ZBTB7A: variants seen among roughly 807,000 people sequenced by gnomAD.
ZBTB7A encodes zinc finger and BTB domain-containing protein 7A.
In ZBTB7A, 7 loss-of-function variants were observed where a neutral mutation model predicts 26.7. The observed-to-expected ratio is 0.26, with a 90% CI of 0.15 to 0.49. The LOEUF is 0.49. Among genes scored for constraint, ZBTB7A ranks in the 20% least tolerant of loss-of-function variants. The probability of loss-of-function intolerance (pLI) is 0.98; values close to 1 mark genes in which losing one functional copy is unlikely to be tolerated. For missense variants in ZBTB7A, 617 were observed against 919.5 expected (o/e 0.67, Z 4.25); for synonymous variants, 452 against 441.0 (o/e 1.02, Z -0.31).
chr19:4,059,121 A>C (rs1313938243), intron 1 of ZBTB7A, among the ~76,000 whole-genome samples: 1 of 152,044 alleles, frequency 6.6e-6, no homozygotes, highest in African/African-American at 2.4e-5. Flanking sequence ...GAGCAGATGG[A>C]GCTCCGGATC....
chr19:4,050,332 A>G (rs1340914608), intron 2 of ZBTB7A, among the ~76,000 whole-genome samples: 1 of 152,168 alleles, frequency 6.6e-6, no homozygotes, highest in Non-Finnish European at 1.5e-5. Flanking sequence ...AAGTGCTGGG[A>G]TTACAGGCGT....
At chr19:4,061,343 G>A (rs919080014) in intron 1 of ZBTB7A, among the ~76,000 whole-genome samples, 8 of 152,088 alleles carry the variant, frequency 5.3e-5, no homozygotes, top group South Asian at 2.1e-4. Flanking sequence ...GTGCAGGTGC[G>A]GCTGCCAGGC....
chr19:4,065,270 C>A (rs909787354), intron 1 of ZBTB7A, among the ~76,000 whole-genome samples: 2 of 150,006 alleles, frequency 1.3e-5, no homozygotes, highest in African/African-American at 4.9e-5. Flanking sequence ...GCCGGACGGC[C>A]GTCCGGGCAG....
rs879410804 is a variant in ZBTB7A at position 4,052,064 on chromosome 19, G to C, written c.1262+1907C>G. Among the ~76,000 whole-genome samples, 5 of 152,084 alleles carry C rather than the reference G, an allele frequency of 3.3e-5. No individual in the cohort carries two copies. Among genetic ancestry groups the C allele is most frequent in the Non-Finnish European group, 5.9e-5 (4 of 67,996 alleles). On this transcript the variant is annotated intron_variant, in intron 2 of 2. Coordinates refer to ENST00000322357, the MANE Select transcript of ZBTB7A (RefSeq NM_015898.4). The surrounding 1 kb of genome is among the most constrained non-coding windows in gnomAD (Gnocchi z 4.9). The stretch of plus-strand genomic sequence containing the variant: ...CGGGGTGGGGGAAAAGAGGAAGCAG[G>C]TGGGTCTAAATTGGGGTGGGAGGAA...
At position 4,047,451 on chromosome 19, in the gene ZBTB7A, T is replaced by C. The variant is rs993194496; in HGVS notation, c.*301A>G. ...GCGGGGTCTCGGATTCCTTGTGTCC[T>C]ACAAAAAACCCCAAACCAAGCCCCG... is the stretch of plus-strand genomic sequence containing the variant. On this transcript the variant is annotated 3_prime_UTR_variant, in exon 3 of 3. Transcript: ENST00000322357. 1.7e-4 allele frequency: 28 copies of C among 167,934 alleles called. No individual in the cohort carries two copies. Among genetic ancestry groups the C allele is most frequent in the Admixed American group, 1.1e-3 (17 of 15,640 alleles). 10.4% of individuals were successfully genotyped at this position (167,934 alleles called of 1,614,324 possible). A position where few individuals can be genotyped will look rare whatever the true frequency, so the allele number is the denominator to read the frequency against.
chr19:4,057,511 C>G (rs1364619422), intron 1 of ZBTB7A, among the ~76,000 whole-genome samples: 1 of 152,066 alleles, frequency 6.6e-6, no homozygotes, highest in African/African-American at 2.4e-5. Context: ...CTACTATGGC[C>G]AGACGCGGTG....
In ZBTB7A at chr19:4,047,741, C is replaced by T; in HGVS notation, c.*11G>A. On this transcript the variant is annotated 3_prime_UTR_variant, in exon 3 of 3. Transcript: ENST00000322357. ...TCTCTTTCTCGGGTTTCTGTTTTCT[C>T]TTTTTGGTTTTTAGGCGAGTCCGGC... The T allele has an allele frequency of 6.3e-7, 1 of 1,589,972 alleles. No individual in the cohort carries two copies. Among genetic ancestry groups the T allele is most frequent in the South Asian group, 1.1e-5 (1 of 88,238 alleles).
intron 1 of ZBTB7A, among the ~76,000 whole-genome samples, chr19:4,058,723 G>C (rs531248491): frequency 6.6e-6 from 1 of 152,310 alleles, no homozygotes; most frequent in Non-Finnish European, 1.5e-5. Flanking sequence ...CTCTGACGCC[G>C]ACGGGCTTGA....
At chr19:4,060,086 T>C (rs1272810328) in intron 1 of ZBTB7A, among the ~76,000 whole-genome samples, 1 of 151,832 alleles carries the variant, frequency 6.6e-6, no homozygotes, top group East Asian at 1.9e-4. Flanking sequence ...TCCCCCGCGC[T>C]GGCCTCCGTG....
At chr19:4,055,503 C>T in intron 1 of ZBTB7A, 1 of 984,620 alleles carries the variant, frequency 1.0e-6, no homozygotes, top group Non-Finnish European at 1.2e-6. Context: ...GACAGGCTAT[C>T]ACCATGTTGG....
intron 1 of ZBTB7A, among the ~76,000 whole-genome samples, chr19:4,062,527 C>T (rs1036354092): frequency 3.3e-5 from 5 of 152,222 alleles, no homozygotes; most frequent in African/African-American, 4.8e-5. Flanking sequence ...GCCAGGGTCG[C>T]GCAGCAGAAC....
rs752997299 is a variant in ZBTB7A at position 4,048,027 on chromosome 19, G to T, written c.1480C>A (p.Pro494Thr). ...HLKKDGCNGVPSRRGRKPRVR... is the reference protein window; with the variant it reads ...HLKKDGCNGVTSRRGRKPRVR... Reference sequence around the variant, plus strand: ...CGGGGCTTGCGGCCGCGGCGCGAGGGGACGCCGTTGCAGCCGTCTTTCTTG... The same window carrying T: ...CGGGGCTTGCGGCCGCGGCGCGAGGTGACGCCGTTGCAGCCGTCTTTCTTG... The change falls in exon 3 of 3, where the codon CCC becomes ACC. Residue 494 changes from proline to threonine, a missense_variant. Transcript: ENST00000322357. This position sits in a 1 kb window ranked among gnomAD's most constrained non-coding sequence, Gnocchi z 6.7. 7.3e-6 allele frequency: 11 copies of T among 1,512,766 alleles called. No individual in the cohort carries two copies. The highest frequency in any genetic ancestry group is 8.0e-6 in the Non-Finnish European group (9 of 1,128,196). 93.7% of individuals were successfully genotyped at this position (1,512,766 alleles called of 1,614,324 possible). A position where few individuals can be genotyped will look rare whatever the true frequency, so the allele number is the denominator to read the frequency against.
intron 1 of ZBTB7A, among the ~76,000 whole-genome samples, chr19:4,063,690 A>G (rs1372273606): frequency 6.6e-6 from 1 of 152,162 alleles, no homozygotes; most frequent in Non-Finnish European, 1.5e-5. Context: ...GCTTAAAGAC[A>G]GGTGGGCAGG....
chr19:4,051,070 C>G (rs1417515092), intron 2 of ZBTB7A, among the ~76,000 whole-genome samples: 1 of 123,412 alleles, frequency 8.1e-6, no homozygotes, highest in Non-Finnish European at 1.6e-5. Flanking sequence ...TGCACTCCAG[C>G]CTGGGCGACA....
chr19:4,048,255 G>A lies in ZBTB7A; in HGVS notation c.1263-11C>T, dbSNP rs2040449637. 1 of 1,575,584 alleles carries A rather than the reference G, an allele frequency of 6.3e-7. No homozygotes were observed. The highest frequency in any genetic ancestry group is 1.7e-4 in the Middle Eastern group (1 of 5,978). ...TTCAGCTTGTCCTGCCTGTGGACGG[G>A]GCACGGGGCGGGCACGGTCAGTGGG... On this transcript the variant is annotated splice_polypyrimidine_tract_variant and intron_variant, in intron 2 of 2. Coordinates refer to ENST00000322357, the MANE Select transcript of ZBTB7A (RefSeq NM_015898.4). This position sits in a 1 kb window ranked among gnomAD's most constrained non-coding sequence, Gnocchi z 6.7.
chr19:4,062,305 G>C (rs2040646426), intron 1 of ZBTB7A: 1 of 152,240 alleles, frequency 6.6e-6, no homozygotes, highest in African/African-American at 2.4e-5. Context: ...CGGATTCTCT[G>C]AGGGGCGCCT....
intron 1 of ZBTB7A, among the ~76,000 whole-genome samples, chr19:4,064,318 G>T (rs1362412023): frequency 6.6e-6 from 1 of 152,204 alleles, no homozygotes; most frequent in African/African-American, 2.4e-5. Context: ...TCCAGCGGCC[G>T]GCTCCTGCCC....
In ZBTB7A at chr19:4,045,809, C is replaced by T. The variant is rs1163889636; in HGVS notation, c.*1943G>A. ...TCCGTGGCCTGTGGCTCGGTCAACA[C>T]CGGGCCTTGTGGGAGCCAGAGGTTG... On this transcript the variant is annotated 3_prime_UTR_variant, in exon 3 of 3. Coordinates refer to ENST00000322357, the MANE Select transcript of ZBTB7A (RefSeq NM_015898.4). This position sits in a 1 kb window ranked among gnomAD's most constrained non-coding sequence, Gnocchi z 4.1. 5.0e-6 allele frequency: 2 copies of T among 398,336 alleles called. No homozygotes were observed. The highest frequency in any genetic ancestry group is 4.4e-5 in the Admixed American group (1 of 22,716). The allele number at this position is 398,336 out of a possible 1,614,324, so 24.7% of individuals were successfully genotyped here. A position where few individuals can be genotyped will look rare whatever the true frequency, so the allele number is the denominator to read the frequency against.
In ZBTB7A at chr19:4,047,984, G is replaced by A; in HGVS notation, c.1523C>T (p.Pro508Leu). 8.0e-7 allele frequency: 1 copy of A among 1,246,680 alleles called. No individual in the cohort carries two copies. Among genetic ancestry groups the A allele is most frequent in the South Asian group, 2.5e-5 (1 of 40,382 alleles). 77.2% of individuals were successfully genotyped at this position (1,246,680 alleles called of 1,614,324 possible). A position where few individuals can be genotyped will look rare whatever the true frequency, so the allele number is the denominator to read the frequency against. Residue 508 changes from proline to leucine, a missense_variant, in exon 3 of 3, where the codon CCC becomes CTC. By Grantham distance (98) the Pro-to-Leu change is moderately conservative. This residue lies in a region of ZBTB7A where 136 missense variants were observed against 126.6 expected (regional missense o/e 1.07). Coordinates refer to ENST00000322357, the MANE Select transcript of ZBTB7A (RefSeq NM_015898.4). ...CGCGGTGGCCCCCGGGCTGGGGTCG[G>A]GCGCCCCGCCCCGGACGCGGGGCTT... The part of the protein sequence containing the change: ...GRKPRVRGGA[P>L]DPSPGATATP...
Sources: allele counts gnomAD v4.1 joint callset (sites outside exome capture counted in the v4.1 genomes callset), GRCh38; gene constraint gnomAD v4.1.1; regional missense constraint gnomAD v4.1.1; non-coding constraint Gnocchi (gnomAD v3.1); transcripts MANE v1.5; gene names NCBI Gene and HGNC (gene_info 2026-07-23, HGNC 2026-07-21).